The following CMIP variants were observed in gnomAD, a reference collection of about 807,000 sequenced individuals.
The protein encoded by CMIP is C-Maf-inducing protein.
In CMIP, 13 loss-of-function variants were observed where a neutral mutation model predicts 97.3. The ratio of observed to expected loss-of-function variants is 0.13; its 90% CI spans 0.09 to 0.21. The LOEUF (loss-of-function observed/expected upper bound fraction) is 0.21, where lower values mean the gene tolerates loss of function less well. Ranked by LOEUF, CMIP falls within the 10% of genes least tolerant of loss-of-function variation. The probability of loss-of-function intolerance (pLI) is 1.00; values close to 1 mark genes in which losing one functional copy is unlikely to be tolerated. For synonymous variants in CMIP, 538 were observed against 436.3 expected (o/e 1.23, Z -2.91); for missense variants, 847 against 1,024.9 (o/e 0.83, Z 2.37).
chr16:81,527,055 C>G (rs1199717406), intron 1 of CMIP, among the ~76,000 whole-genome samples: 1 of 152,212 alleles, frequency 6.6e-6, no homozygotes, highest in African/African-American at 2.4e-5. Flanking sequence ...TGGTGCAGTT[C>G]AGACAACACG....
intron 1 of CMIP, among the ~76,000 whole-genome samples, chr16:81,562,224 A>G (rs548638919): frequency 6.6e-6 from 1 of 152,312 alleles, no homozygotes; most frequent in Admixed American, 6.5e-5. Flanking sequence ...CCAAACTCGG[A>G]TCTCCTGGGA....
At chr16:81,667,796 G>GAC (rs1238495658) in intron 7 of CMIP, among the ~76,000 whole-genome samples, 1 of 93,246 alleles carries the variant, frequency 1.1e-5, no homozygotes, top group African/African-American at 5.1e-5. Context: ...GAGAGAGAGA[G>GAC]AGAGTGTGTG....
chr16:81,603,730 G>A (rs910375804), intron 1 of CMIP, among the ~76,000 whole-genome samples: 2 of 152,192 alleles, frequency 1.3e-5, no homozygotes, highest in South Asian at 4.1e-4. Context: ...GGAGTTTTGA[G>A]GAAAGTCCCT....
At chr16:81,618,224 G>T (rs1406886261) in intron 2 of CMIP, among the ~76,000 whole-genome samples, 1 of 152,146 alleles carries the variant, frequency 6.6e-6, no homozygotes, top group Non-Finnish European at 1.5e-5. Context: ...AAGGTGTCAG[G>T]ACTATGTTCC....
Position 81,499,602 on chromosome 16 carries a change from C to T in CMIP, c.300+54061C>T, listed in dbSNP as rs535611719. On this transcript the variant is annotated intron_variant, in intron 1 of 20. Transcript: ENST00000537098. ...CTTCTGGGCTGGCCCAGGACACGTG[C>T]CCCCATCCCAGCCTCCAAGAATCTG... is the stretch of plus-strand genomic sequence containing the variant. 7.7e-4 allele frequency among the ~76,000 whole-genome samples: 118 copies of T among 152,332 alleles called. 1 individual carries two copies. Among genetic ancestry groups the T allele is most frequent in the African/African-American group, 2.7e-3 (111 of 41,590 alleles).
intron 1 of CMIP, among the ~76,000 whole-genome samples, chr16:81,450,318 G>C (rs959488763): frequency 6.6e-6 from 1 of 152,202 alleles, no homozygotes; most frequent in African/African-American, 2.4e-5. Context: ...CTCTGTGGGG[G>C]AGAACAGATT....
intron 1 of CMIP, among the ~76,000 whole-genome samples, chr16:81,525,400 C>A (rs2090112052): frequency 6.6e-6 from 1 of 152,180 alleles, no homozygotes; most frequent in Admixed American, 6.5e-5. Context: ...ATCTCGGCCT[C>A]CCAAAGTGCT....
chr16:81,569,682 C>G (rs1167276039), intron 1 of CMIP, among the ~76,000 whole-genome samples: 1 of 152,218 alleles, frequency 6.6e-6, no homozygotes, highest in Non-Finnish European at 1.5e-5. Flanking sequence ...AAGTGAGATG[C>G]TTAAATGCAG....
chr16:81,475,956 C>G (rs558342387), intron 1 of CMIP: 1 of 441,978 alleles, frequency 2.3e-6, no homozygotes, highest in East Asian at 5.3e-5. Flanking sequence ...CACTGCGCTC[C>G]AGCGTGGGTG....
rs1460750743 is a variant in CMIP at position 81,691,742 on chromosome 16, A to G, written c.1389-33A>G. 3 of 1,603,720 alleles carry G rather than the reference A, an allele frequency of 1.9e-6. No homozygotes were observed. The South Asian group carries it at 3.3e-5, about 18-fold the overall frequency. On this transcript the variant is annotated intron_variant, in intron 10 of 20. Transcript: ENST00000537098. ...AGTGCCATAAACCTTCCTTGTCCCA[A>G]CCAAAGCTGACTGTCACCCTCTCTC...
chr16:81,462,426 C>A (rs1345999477), intron 1 of CMIP, among the ~76,000 whole-genome samples: 13 of 151,990 alleles, frequency 8.6e-5, no homozygotes, highest in Non-Finnish European at 1.5e-4. Context: ...CTCTCTAGGG[C>A]AATAAACCAG....
chr16:81,657,179 C>T (rs191856137), intron 4 of CMIP, among the ~76,000 whole-genome samples: 1 of 152,286 alleles, frequency 6.6e-6, no homozygotes, highest in African/African-American at 2.4e-5. Flanking sequence ...CCTAAAATTT[C>T]AGCAAATGTA....
chr16:81,565,894 G>A (rs375260391), intron 1 of CMIP, among the ~76,000 whole-genome samples: 2 of 152,176 alleles, frequency 1.3e-5, no homozygotes, highest in South Asian at 2.1e-4. Flanking sequence ...CTTGGGGAGC[G>A]GGCACAGATG....
At chr16:81,691,552 G>A (rs1597256100) in intron 10 of CMIP, 5 of 587,128 alleles carry the variant, frequency 8.5e-6, no homozygotes, top group Admixed American at 3.0e-5. Context: ...TCACCCCCTC[G>A]GGTGCCATGA....
In CMIP at chr16:81,627,341, G is replaced by A. The variant is rs922770579; in HGVS notation, c.477+6415G>A. Among the ~76,000 whole-genome samples, 4 of 151,986 alleles carry A rather than the reference G, an allele frequency of 2.6e-5. No individual in the cohort carries two copies. The highest frequency in any genetic ancestry group is 4.4e-5 in the Non-Finnish European group (3 of 67,968). On this transcript the variant is annotated intron_variant, in intron 3 of 20. Transcript: ENST00000537098. The surrounding 1 kb of genome is among the most constrained non-coding windows in gnomAD (Gnocchi z 4.6). The stretch of plus-strand genomic sequence containing the variant: ...GGAATGGGGATGATCATGGCGTCTC[G>A]TCACTGGGCCGTGTGAGGATCGAAG...
In CMIP at chr16:81,684,715, G is replaced by A. The variant is rs1905209022; in HGVS notation, c.1388+6087G>A. ...GGCCCTCTTCATGGGAGGGTTAAAT[G>A]TGCAGGTGCCTAATGCCTGAGGCAT... is the stretch of plus-strand genomic sequence containing the variant. On this transcript the variant is annotated intron_variant, in intron 10 of 20. Transcript: ENST00000537098. Among the ~76,000 whole-genome samples the A allele has an allele frequency of 2.0e-5, 3 of 152,348 alleles. No homozygotes were observed. In the South Asian group the frequency reaches 6.2e-4, roughly 32 times the overall value.
Position 81,453,831 on chromosome 16 carries a change from A to G in CMIP, c.300+8290A>G, listed in dbSNP as rs1407304720. The stretch of plus-strand genomic sequence containing the variant: ...GGGGGATGGGGAAAGAGTGAGCACC[A>G]CAGCCAAGCCGTTTGTAGATCTGGC... On this transcript the variant is annotated intron_variant, in intron 1 of 20. Coordinates refer to ENST00000537098, the MANE Select transcript of CMIP (RefSeq NM_198390.3). This position sits in a 1 kb window ranked among gnomAD's most constrained non-coding sequence, Gnocchi z 4.0. Among the ~76,000 whole-genome samples, 2 of 151,994 alleles carry G rather than the reference A, an allele frequency of 1.3e-5. No individual in the cohort carries two copies. The highest frequency in any genetic ancestry group is 6.6e-5 in the Admixed American group (1 of 15,264).
rs372578516 is a variant in CMIP at position 81,703,922 on chromosome 16, C to T, written c.1945-17C>T. 3 of 1,585,530 alleles carry T rather than the reference C, an allele frequency of 1.9e-6. No homozygotes were observed. Among genetic ancestry groups the T allele is most frequent in the African/African-American group, 1.3e-5 (1 of 74,248 alleles). On this transcript the variant is annotated splice_polypyrimidine_tract_variant and intron_variant, in intron 17 of 20. Coordinates refer to ENST00000537098, the MANE Select transcript of CMIP (RefSeq NM_198390.3). ...CTCCCAGCAGCACCCTCAGGCCTCT[C>T]CCCCGTCTGCCCGCAGGACGCTGAC...
chr16:81,524,581 C>A (rs12596131), intron 1 of CMIP, among the ~76,000 whole-genome samples: 9,420 of 152,262 alleles, frequency 0.062, 379 homozygotes, highest in South Asian at 0.11. Context: ...GCAGCTGCAG[C>A]CATCACGGCC....
Sources: gnomAD v4.1 joint callset for allele counts (sites outside exome capture counted in the v4.1 genomes callset) on GRCh38, gnomAD v4.1.1 for gene constraint, Gnocchi (gnomAD v3.1) non-coding constraint, MANE v1.5 for transcripts, NCBI Gene and HGNC (gene_info 2026-07-23, HGNC 2026-07-21) for gene names.